Variants in FSTL4 observed in about 807,000 individuals in gnomAD.
The protein encoded by FSTL4 is follistatin-related protein 4.
A neutral mutation model predicts 78.2 loss-of-function variants in FSTL4; 28 were observed. That is an observed-to-expected ratio of 0.36 (90% CI 0.27 to 0.49). The LOEUF (loss-of-function observed/expected upper bound fraction) is 0.49, where lower values mean the gene tolerates loss of function less well. FSTL4 is among the 20% of genes least tolerant of loss of function. FSTL4 has a pLI of 0.98. For synonymous variants in FSTL4, 422 were observed against 440.5 expected, an observed-to-expected ratio of 0.96 and a Z score of 0.53; for missense variants, 922 against 1,084.9, an observed-to-expected ratio of 0.85 and a Z score of 2.11.
intron 6 of FSTL4, among the ~76,000 whole-genome samples, chr5:133,294,540 G>A (rs889445124): frequency 6.0e-4 from 92 of 152,254 alleles, no homozygotes; most frequent in African/African-American, 1.9e-3. Context: ...TGTAGCCTAT[G>A]GCTAACAGCA....
intron 1 of FSTL4, among the ~76,000 whole-genome samples, chr5:133,606,836 G>A (rs1760987552): frequency 6.6e-6 from 1 of 152,144 alleles, no homozygotes; most frequent in Non-Finnish European, 1.5e-5. Context: ...GATCAATTAT[G>A]TTTTATGTTT....
Position 133,225,506 on chromosome 5 carries a change from T to C in FSTL4, c.1177+152A>G. On this transcript the variant is annotated intron_variant, in intron 9 of 15. Coordinates refer to ENST00000265342, the MANE Select transcript of FSTL4 (RefSeq NM_015082.2). The surrounding 1 kb of genome is among the most constrained non-coding windows in gnomAD (Gnocchi z 4.6). ...GTCAGAAAGCCCCAAAAGATCTGTG[T>C]GAGCCCAGATAACAGGGAAATTTGG... is the stretch of plus-strand genomic sequence containing the variant. 2.4e-6 allele frequency: 2 copies of C among 843,890 alleles called. No homozygotes were observed. Among genetic ancestry groups the C allele is most frequent in the Non-Finnish European group, 3.8e-6 (2 of 531,608 alleles). The allele number at this position is 843,890 out of a possible 1,614,324, so 52.3% of individuals were successfully genotyped here.
intron 3 of FSTL4, among the ~76,000 whole-genome samples, chr5:133,518,337 C>A (rs1758906382): frequency 6.6e-6 from 1 of 152,000 alleles, no homozygotes; most frequent in Non-Finnish European, 1.5e-5. Flanking sequence ...AAGGAGTAGT[C>A]AAACTACAGA....
chr5:133,617,246 C>A (rs424101), upstream of FSTL4, among the ~76,000 whole-genome samples: 8 of 147,696 alleles, frequency 5.4e-5, no homozygotes, highest in Non-Finnish European at 3.0e-5. Flanking sequence ...TTGCAGTGAG[C>A]CGAGGTCGTG....
At chr5:133,836,094 T>C in the FSTL4 span, among the ~76,000 whole-genome samples, 81 of 152,188 alleles carry the variant, frequency 5.3e-4, no homozygotes, top group African/African-American at 1.9e-3. Context: ...TAAAAATATG[T>C]CTCTAAGAAA....
Position 133,316,582 on chromosome 5 carries a change from C to T in FSTL4, c.480G>A (p.Gln160=), listed in dbSNP as rs981460451. The T allele has an allele frequency of 1.2e-6, 2 of 1,614,056 alleles. No individual in the cohort carries two copies. The highest frequency in any genetic ancestry group is 2.7e-5 in the African/African-American group (2 of 74,942). The part of the protein sequence containing the change: ...NVLLALQTRL[Q]PLQEGDSRQD... ...GTCTGCTGTCTCCTTCTTGGAGTGG[C>T]TGCAGACGGGTCTGGAGTGCCAGAA... The change falls in exon 5 of 16, where the codon CAG becomes CAA. Residue 160 remains glutamine (Q), a synonymous_variant. Coordinates refer to ENST00000265342, the MANE Select transcript of FSTL4 (RefSeq NM_015082.2).
intron 13 of FSTL4, among the ~76,000 whole-genome samples, chr5:133,213,690 A>C (rs1171860491): frequency 6.6e-6 from 1 of 152,232 alleles, no homozygotes; most frequent in Non-Finnish European, 1.5e-5. Flanking sequence ...AGAAAGCAAA[A>C]AGGAGAAAAA....
chr5:133,549,712 A>C (rs868544924), intron 3 of FSTL4, among the ~76,000 whole-genome samples: 2 of 152,224 alleles, frequency 1.3e-5, no homozygotes, highest in Non-Finnish European at 2.9e-5. Context: ...ACCTAGGAAC[A>C]CTATCAACCA....
In FSTL4 at chr5:133,276,960, T is replaced by C. The variant is rs1450830791; in HGVS notation, c.728-27384A>G. 3.3e-5 allele frequency among the ~76,000 whole-genome samples: 5 copies of C among 152,182 alleles called. No homozygotes were observed. In the South Asian group the frequency reaches 8.3e-4, roughly 25 times the overall value. On this transcript the variant is annotated intron_variant, in intron 6 of 15. Coordinates refer to ENST00000265342, the MANE Select transcript of FSTL4 (RefSeq NM_015082.2). ...AGCCAGGCACACAGAGGTCATTCTG[T>C]ATGAGTCCGTTGATACAAAGTTCAA...
the FSTL4 span, among the ~76,000 whole-genome samples, chr5:133,680,114 A>G: frequency 3.3e-5 from 5 of 152,266 alleles, no homozygotes; most frequent in South Asian, 1.0e-3. Context: ...TGGCTCCCCA[A>G]AGTCTACATA....
At chr5:133,212,056 C>T (rs149326910) in intron 13 of FSTL4, among the ~76,000 whole-genome samples, 169 of 152,318 alleles carry the variant, frequency 1.1e-3, no homozygotes, top group African/African-American at 4.0e-3. Flanking sequence ...ACCCCGAGGC[C>T]TTTGTAGCCT....
At chr5:133,548,617 T>C (rs535066213) in intron 3 of FSTL4, among the ~76,000 whole-genome samples, 67 of 152,282 alleles carry the variant, frequency 4.4e-4, no homozygotes, top group South Asian at 1.7e-3. Context: ...ACTACTGGCA[T>C]TAGCAGACAG....
chr5:133,352,031 T>A (rs1754833095), intron 4 of FSTL4, among the ~76,000 whole-genome samples: 1 of 151,996 alleles, frequency 6.6e-6, no homozygotes, highest in Non-Finnish European at 1.5e-5. Flanking sequence ...AAATATTTTA[T>A]TTTGCTTTTT....
intron 4 of FSTL4, among the ~76,000 whole-genome samples, chr5:133,340,736 G>T (rs1327320034): frequency 6.6e-6 from 1 of 152,086 alleles, no homozygotes; most frequent in Non-Finnish European, 1.5e-5. Flanking sequence ...CTATCGTACA[G>T]ATATTTGATT....
chr5:133,239,533 C>G (rs927600890), intron 7 of FSTL4, among the ~76,000 whole-genome samples: 2 of 152,052 alleles, frequency 1.3e-5, no homozygotes, highest in Non-Finnish European at 2.9e-5. Context: ...AATCAGCACC[C>G]TGTGTCTAGC....
the FSTL4 span, among the ~76,000 whole-genome samples, chr5:133,774,314 A>T: frequency 9.9e-5 from 15 of 152,158 alleles, no homozygotes; most frequent in Non-Finnish European, 1.6e-4. Flanking sequence ...GCGATTCTCA[A>T]TCAGAAGTGA....
chr5:133,373,825 A>T (rs1370005677), intron 4 of FSTL4, among the ~76,000 whole-genome samples: 1 of 152,224 alleles, frequency 6.6e-6, no homozygotes, highest in African/African-American at 2.4e-5. Flanking sequence ...AGGATGAAGC[A>T]TCACTTGCCT....
At chr5:133,212,051 G>A (rs769777740) in intron 13 of FSTL4, among the ~76,000 whole-genome samples, 11 of 152,052 alleles carry the variant, frequency 7.2e-5, no homozygotes, top group Non-Finnish European at 1.6e-4. Context: ...TACATACCCC[G>A]AGGCCTTTGT....
chr5:133,756,367 GC>G, the FSTL4 span, among the ~76,000 whole-genome samples: 1,067 of 151,906 alleles, frequency 7.0e-3, 5 homozygotes, highest in Non-Finnish European at 0.011. Context: ...TAGGACTGTG[GC>G]TTTTACTCTG....
Sources: gnomAD v4.1 joint callset for allele counts (sites outside exome capture counted in the v4.1 genomes callset) on GRCh38, gnomAD v4.1.1 for gene constraint, Gnocchi (gnomAD v3.1) non-coding constraint, MANE v1.5 for transcripts, NCBI Gene and HGNC (gene_info 2026-07-23, HGNC 2026-07-21) for gene names.